The following TOLLIP variants were observed in gnomAD, a reference collection of about 807,000 sequenced individuals.
TOLLIP encodes the protein toll-interacting protein.
Under a neutral mutation model 33.5 loss-of-function variants are expected in TOLLIP, and 16 were observed. That is an observed-to-expected ratio of 0.48 (90% CI 0.32 to 0.72). The LOEUF is 0.72. Among genes scored for constraint, TOLLIP ranks in the 30% least tolerant of loss-of-function variants. The probability of loss-of-function intolerance (pLI) is 0.03; values close to 1 mark genes in which losing one functional copy is unlikely to be tolerated. For synonymous variants in TOLLIP, 176 were observed against 163.7 expected, an observed-to-expected ratio of 1.07 and a Z score of -0.57; for missense variants, 325 against 396.6, an observed-to-expected ratio of 0.82 and a Z score of 1.53.
At chr11:1,307,295 A>G in intron 1 of TOLLIP, among the ~76,000 whole-genome samples, 1 of 152,226 alleles carries the variant, frequency 6.6e-6, no homozygotes. Context: ...GCTCGTCTAC[A>G]TGATGGAAAC....
rs1863374492 is a variant in TOLLIP at position 1,278,210 on chromosome 11, C to T, written c.611-957G>A. On this transcript the variant is annotated intron_variant, in intron 5 of 5. Coordinates refer to ENST00000317204, the MANE Select transcript of TOLLIP (RefSeq NM_019009.4). The surrounding 1 kb of genome is among the most constrained non-coding windows in gnomAD (Gnocchi z 4.7). ...GCGGGGCTCAGCGACCAGTGAGGCA[C>T]AGAGCACAGGCAGCGTGCGCGGGGC... 6.6e-6 allele frequency among the ~76,000 whole-genome samples: 1 copy of T among 151,460 alleles called. No homozygotes were observed. The highest frequency in any genetic ancestry group is 1.5e-5 in the Non-Finnish European group (1 of 68,018).
intron 1 of TOLLIP, among the ~76,000 whole-genome samples, chr11:1,307,938 A>C (rs972464407): frequency 1.3e-5 from 2 of 152,212 alleles, no homozygotes; most frequent in African/African-American, 4.8e-5. Context: ...CGGGAGAAAC[A>C]CCAGGACTTG....
At chr11:1,300,894 T>A (rs1864253958) in intron 1 of TOLLIP, among the ~76,000 whole-genome samples, 2 of 152,228 alleles carry the variant, frequency 1.3e-5, no homozygotes, top group South Asian at 4.1e-4. Flanking sequence ...TTTTTAAACC[T>A]TCTCACCGTT....
intron 5 of TOLLIP, 130 bp downstream of exon 5, chr11:1,285,872 C>T (rs886654237): frequency 1.2e-5 from 7 of 600,164 alleles, no homozygotes; most frequent in African/African-American, 5.7e-5. Context: ...GCGGTCAGCA[C>T]GTCTACAGGA....
intron 4 of TOLLIP, among the ~76,000 whole-genome samples, chr11:1,288,225 G>A (rs1268316637): frequency 1.3e-5 from 2 of 152,204 alleles, no homozygotes; most frequent in African/African-American, 2.4e-5. Context: ...CTGTGGGGAG[G>A]AGCCTGGTGT....
At chr11:1,299,889 G>A (rs1864215860) in intron 1 of TOLLIP, among the ~76,000 whole-genome samples, 1 of 152,198 alleles carries the variant, frequency 6.6e-6, no homozygotes, top group African/African-American at 2.4e-5. Context: ...AGGAGCCGGC[G>A]GTCCCTGCCG....
chr11:1,308,935 C>T (rs1346204916), intron 1 of TOLLIP, among the ~76,000 whole-genome samples: 1 of 145,274 alleles, frequency 6.9e-6, no homozygotes, highest in Non-Finnish European at 1.5e-5. Context: ...CATCAGGGTG[C>T]GGGACCCGCC....
rs927464434 is a variant in TOLLIP at position 1,303,931 on chromosome 11, G to A, written c.33+5535C>T. 6.6e-6 allele frequency among the ~76,000 whole-genome samples: 1 copy of A among 151,994 alleles called. No individual in the cohort carries two copies. Among genetic ancestry groups the A allele is most frequent in the Non-Finnish European group, 1.5e-5 (1 of 68,014 alleles). ...GACGCCTGTAATCCCAGCTACTCGG[G>A]AGTCTGAGGCAGGAAAATCGCTTGA... On this transcript the variant is annotated intron_variant, in intron 1 of 5. Coordinates refer to ENST00000317204, the MANE Select transcript of TOLLIP (RefSeq NM_019009.4). The surrounding 1 kb of genome is among the most constrained non-coding windows in gnomAD (Gnocchi z 4.2).
At chr11:1,308,272 G>A (rs1315242612) in intron 1 of TOLLIP, among the ~76,000 whole-genome samples, 6 of 152,224 alleles carry the variant, frequency 3.9e-5, no homozygotes, top group Non-Finnish European at 8.8e-5. Context: ...CGGTGATAGT[G>A]AGTTCTCACA....
At chr11:1,301,761 A>G (rs1864284452) in intron 1 of TOLLIP, among the ~76,000 whole-genome samples, 1 of 152,154 alleles carries the variant, frequency 6.6e-6, no homozygotes, top group Non-Finnish European at 1.5e-5. Flanking sequence ...CCATGATTCA[A>G]CGTGACTTTC....
rs1012200947 is a variant in TOLLIP, at chr11:1,302,517, C to G, written c.34-6723G>C. 5 of 933,878 alleles carry G rather than the reference C, an allele frequency of 5.4e-6. No homozygotes were observed. The African/African-American group carries it at 8.9e-5, about 17-fold the overall frequency. The allele number at this position is 933,878 out of a possible 1,614,324, so 57.8% of individuals were successfully genotyped here. On this transcript the variant is annotated intron_variant, in intron 1 of 5. Transcript: ENST00000317204. ...AAGGAAAACTGCAATTCCCCATGCC[C>G]ACTCAGCTGCTGGCTCCCTCACCCA... is the stretch of plus-strand genomic sequence containing the variant.
At chr11:1,285,922 C>T (rs973046115) in intron 5 of TOLLIP, 80 bp downstream of exon 5, 8 of 1,142,916 alleles carry the variant, frequency 7.0e-6, no homozygotes, top group Admixed American at 2.2e-5. Flanking sequence ...CGCTCTAAGC[C>T]CCGTTCCCTC....
chr11:1,285,938 G>A (rs570246245), intron 5 of TOLLIP, 64 bp downstream of exon 5: 50 of 1,355,316 alleles, frequency 3.7e-5, no homozygotes, highest in Admixed American at 1.0e-4. Context: ...CCCTCCTCCC[G>A]CACCTGCCCT....
intron 1 of TOLLIP, among the ~76,000 whole-genome samples, chr11:1,296,193 ATG>A (rs1864108515): frequency 6.6e-6 from 1 of 152,252 alleles, no homozygotes. Flanking sequence ...GGTCAAACGA[ATG>A]AGACAAAAGC....
At chr11:1,281,727 C>T (rs966463326) in intron 5 of TOLLIP, among the ~76,000 whole-genome samples, 1 of 152,254 alleles carries the variant, frequency 6.6e-6, no homozygotes, top group African/African-American at 2.4e-5. Flanking sequence ...ACGCAGCCAG[C>T]ACCGCGTAGC....
intron 1 of TOLLIP, among the ~76,000 whole-genome samples, chr11:1,304,713 C>G (rs1864379031): frequency 6.6e-6 from 1 of 152,232 alleles, no homozygotes; most frequent in South Asian, 2.1e-4. Flanking sequence ...AGCCCCTGTA[C>G]TTTCCCAGCA....
At chr11:1,286,802 C>T (rs1863715115) in intron 4 of TOLLIP, among the ~76,000 whole-genome samples, 1 of 152,104 alleles carries the variant, frequency 6.6e-6, no homozygotes, top group Non-Finnish European at 1.5e-5. Flanking sequence ...GAGTTCAAAA[C>T]TGTCAACCGT....
chr11:1,301,949 G>C (rs1277350080), intron 1 of TOLLIP, among the ~76,000 whole-genome samples: 1 of 152,238 alleles, frequency 6.6e-6, no homozygotes, highest in African/African-American at 2.4e-5. Flanking sequence ...GGGAGCCCCA[G>C]ACTCGGTCAG....
In TOLLIP at chr11:1,277,288, G is replaced by C; in HGVS notation, c.611-35C>G. On this transcript the variant is annotated intron_variant, in intron 5 of 5. Transcript: ENST00000317204. This position sits in a 1 kb window ranked among gnomAD's most constrained non-coding sequence, Gnocchi z 4.2. ...AAGATCAAGTTTGGTAAAAACGTCG[G>C]AAAGTTCCAGAAGTGCCACACTAGC... is the stretch of plus-strand genomic sequence containing the variant. 1 of 1,488,266 alleles carries C rather than the reference G, an allele frequency of 6.7e-7. No homozygotes were observed. Among genetic ancestry groups the C allele is most frequent in the Non-Finnish European group, 9.0e-7 (1 of 1,108,162 alleles). The allele number at this position is 1,488,266 out of a possible 1,614,324, so 92.2% of individuals were successfully genotyped here. A position where few individuals can be genotyped will look rare whatever the true frequency, so the allele number is the denominator to read the frequency against.
Sources: gnomAD v4.1 joint callset for allele counts (sites outside exome capture counted in the v4.1 genomes callset) on GRCh38, gnomAD v4.1.1 for gene constraint, Gnocchi (gnomAD v3.1) non-coding constraint, MANE v1.5 for transcripts, NCBI Gene and HGNC (gene_info 2026-07-23, HGNC 2026-07-21) for gene names.